The following AGAP1 variants were observed in gnomAD, a reference collection of about 807,000 sequenced individuals.
The protein encoded by AGAP1 is arf-GAP with GTPase, ANK repeat and PH domain-containing protein 1.
Under a neutral mutation model 105.3 loss-of-function variants are expected in AGAP1, and 29 were observed. That is an observed-to-expected ratio of 0.28 (90% confidence interval 0.21 to 0.38). The LOEUF (loss-of-function observed/expected upper bound fraction) is 0.38, where lower values mean the gene tolerates loss of function less well. AGAP1 is among the 10% of genes least tolerant of loss of function. The probability of loss-of-function intolerance (pLI) is 1.00; values close to 1 mark genes in which losing one functional copy is unlikely to be tolerated. For synonymous variants in AGAP1, 509 were observed against 485.9 expected (o/e 1.05, Z -0.63); for missense variants, 998 against 1,165.1 (o/e 0.86, Z 2.09).
chr2:235,658,420 G>C (rs548243603), intron 1 of AGAP1, among the ~76,000 whole-genome samples: 24 of 152,302 alleles, frequency 1.6e-4, no homozygotes, highest in African/African-American at 5.5e-4. Flanking sequence ...GCTTCGGACG[G>C]GAAGAATTTA....
chr2:235,565,085 G>T (rs1456467691), intron 1 of AGAP1, among the ~76,000 whole-genome samples: 1 of 148,942 alleles, frequency 6.7e-6, no homozygotes, highest in Admixed American at 6.7e-5. Context: ...CACCACCCAC[G>T]GTCAGCTGTG....
chr2:235,630,318 A>G (rs188146523), intron 1 of AGAP1, among the ~76,000 whole-genome samples: 45 of 152,148 alleles, frequency 3.0e-4, no homozygotes, highest in Admixed American at 2.9e-3. Flanking sequence ...GGTTCATCCA[A>G]TTCTGCCTCA....
chr2:235,527,092 C>T (rs1362723962), intron 1 of AGAP1, among the ~76,000 whole-genome samples: 1 of 152,046 alleles, frequency 6.6e-6, no homozygotes, highest in African/African-American at 2.4e-5. Context: ...GTATTTTGTC[C>T]ATGACATGTA....
At position 236,121,954 on chromosome 2, in the gene AGAP1, C is replaced by G. The variant is rs967148897; in HGVS notation, c.2370+1507C>G. Among the ~76,000 whole-genome samples the G allele has an allele frequency of 6.6e-6, 1 of 150,650 alleles. No homozygotes were observed. Among genetic ancestry groups the G allele is most frequent in the African/African-American group, 2.4e-5 (1 of 40,868 alleles). ...CTCCTGGTAGCTCTCTCCTTTCCCC[C>G]CACCCCCTTCTTTTTGGGACAAAGT... On this transcript the variant is annotated intron_variant, in intron 17 of 17. Coordinates refer to ENST00000304032, the MANE Select transcript of AGAP1 (RefSeq NM_001037131.3). This position sits in a 1 kb window ranked among gnomAD's most constrained non-coding sequence, Gnocchi z 4.9.
chr2:235,553,094 A>T lies in AGAP1; in HGVS notation c.163+58245A>T, dbSNP rs1943865137. On this transcript the variant is annotated intron_variant, in intron 1 of 17. Transcript: ENST00000304032. This position sits in a 1 kb window ranked among gnomAD's most constrained non-coding sequence, Gnocchi z 4.5. ...GCAAGTAGCATTAATACTATAACTGAATATACAGTCAGCTACTCACCACTC... is the reference window on the plus strand; with the variant it reads ...GCAAGTAGCATTAATACTATAACTGTATATACAGTCAGCTACTCACCACTC... Among the ~76,000 whole-genome samples, 1 of 152,162 alleles carries T rather than the reference A, an allele frequency of 6.6e-6. No homozygotes were observed. The highest frequency in any genetic ancestry group is 2.4e-5 in the African/African-American group (1 of 41,444).
At chr2:235,822,967 A>G (rs903084042) in intron 9 of AGAP1, among the ~76,000 whole-genome samples, 8 of 152,170 alleles carry the variant, frequency 5.3e-5, no homozygotes, top group Non-Finnish European at 8.8e-5. Flanking sequence ...TTCAAGTGCT[A>G]CTGTGATCCA....
chr2:236,011,335 G>A (rs577432520), intron 13 of AGAP1, among the ~76,000 whole-genome samples: 1 of 152,340 alleles, frequency 6.6e-6, no homozygotes, highest in South Asian at 2.1e-4. Flanking sequence ...AAAGTGAGAA[G>A]AGATCAGTCT....
intron 10 of AGAP1, among the ~76,000 whole-genome samples, chr2:235,907,970 A>G (rs989023239): frequency 6.6e-6 from 1 of 152,170 alleles, no homozygotes; most frequent in Non-Finnish European, 1.5e-5. Context: ...AATAATAACA[A>G]TAATAATAAT....
At chr2:235,903,943 C>T (rs1356176637) in intron 10 of AGAP1, among the ~76,000 whole-genome samples, 5 of 151,960 alleles carry the variant, frequency 3.3e-5, no homozygotes, top group East Asian at 3.9e-4. Context: ...CTAATGACTC[C>T]GCGTCCTTCT....
chr2:235,686,611 GGAGATATA>G (rs1462972218), intron 1 of AGAP1, among the ~76,000 whole-genome samples: 74 of 75,464 alleles, frequency 9.8e-4, no homozygotes, highest in African/African-American at 4.1e-3. Context: ...ATATATACGT[GGAGATATA>G]GATATATATA....
Position 235,963,894 on chromosome 2 carries a change from G to T in AGAP1, c.1484-4568G>T, listed in dbSNP as rs2054285466. On this transcript the variant is annotated intron_variant, in intron 12 of 17. Transcript: ENST00000304032. This position sits in a 1 kb window ranked among gnomAD's most constrained non-coding sequence, Gnocchi z 5.1. Reference sequence around the variant, plus strand: ...CGCCCCTGTGGAAGCCTGTCGTGTGGACGGCATAGCTAATGTGTGTGTTCT... The same window carrying T: ...CGCCCCTGTGGAAGCCTGTCGTGTGTACGGCATAGCTAATGTGTGTGTTCT... 1.3e-5 allele frequency among the ~76,000 whole-genome samples: 2 copies of T among 152,198 alleles called. No homozygotes were observed. Among genetic ancestry groups the T allele is most frequent in the African/African-American group, 4.8e-5 (2 of 41,454 alleles).
At chr2:235,941,918 G>A (rs1316696004) in intron 12 of AGAP1, among the ~76,000 whole-genome samples, 2 of 152,122 alleles carry the variant, frequency 1.3e-5, no homozygotes, top group African/African-American at 4.8e-5. Flanking sequence ...AGCCCGGTAT[G>A]GAAGAGTGAG....
intron 1 of AGAP1, among the ~76,000 whole-genome samples, chr2:235,674,501 T>A (rs1948617775): frequency 6.6e-6 from 1 of 152,218 alleles, no homozygotes; most frequent in Admixed American, 6.5e-5. Context: ...ATTCGGTGTC[T>A]TTAGAGTGTT....
rs921332955 is a variant in AGAP1, at chr2:235,665,084, G to A, written c.164-44095G>A. ...AAAAAAATTTAAAAATTAGCCAGGG[G>A]TGGTGACATGTGCCTGTGGTCCCAG... On this transcript the variant is annotated intron_variant, in intron 1 of 17. Coordinates refer to ENST00000304032, the MANE Select transcript of AGAP1 (RefSeq NM_001037131.3). The surrounding 1 kb of genome is among the most constrained non-coding windows in gnomAD (Gnocchi z 5.3). 6.6e-6 allele frequency among the ~76,000 whole-genome samples: 1 copy of A among 152,158 alleles called. No homozygotes were observed. Among genetic ancestry groups the A allele is most frequent in the Non-Finnish European group, 1.5e-5 (1 of 68,036 alleles).
rs1295537238 is a variant in AGAP1 at position 236,127,133 on chromosome 2, C to G, written c.*3011C>G. On this transcript the variant is annotated 3_prime_UTR_variant, in exon 18 of 18. Coordinates refer to ENST00000304032, the MANE Select transcript of AGAP1 (RefSeq NM_001037131.3). This position sits in a 1 kb window ranked among gnomAD's most constrained non-coding sequence, Gnocchi z 6.6. Reference sequence around the variant, plus strand: ...CATGGGTGATCTGGACACATCTGCACCCCCGCGTTCAGCTTCGCGGAGACT... The same window carrying G: ...CATGGGTGATCTGGACACATCTGCAGCCCCGCGTTCAGCTTCGCGGAGACT... The G allele has an allele frequency of 6.6e-6, 1 of 152,216 alleles. No homozygotes were observed. The highest frequency in any genetic ancestry group is 1.5e-5 in the Non-Finnish European group (1 of 68,042). The allele number at this position is 152,216 out of a possible 1,614,324, so 9.4% of individuals were successfully genotyped here.
At chr2:235,646,002 C>T (rs1023410319) in intron 1 of AGAP1, among the ~76,000 whole-genome samples, 4 of 152,040 alleles carry the variant, frequency 2.6e-5, no homozygotes, top group East Asian at 3.9e-4. Context: ...TCTGGGCGGG[C>T]GCAGTGGTTC....
intron 13 of AGAP1, among the ~76,000 whole-genome samples, chr2:236,024,344 C>T (rs998260692): frequency 3.3e-5 from 5 of 152,226 alleles, no homozygotes; most frequent in African/African-American, 9.6e-5. Context: ...GCCCCATCAA[C>T]AGCTTTGAGC....
chr2:235,641,313 T>TTCTCTTCTC (rs1553594439), intron 1 of AGAP1, among the ~76,000 whole-genome samples: 1 of 148,488 alleles, frequency 6.7e-6, no homozygotes, highest in Non-Finnish European at 1.5e-5. Flanking sequence ...CTCTCTCTCT[T>TTCTCTTCTC]TCTCTTTCTC....
intron 1 of AGAP1, chr2:235,669,919 G>A (rs1311064959): frequency 1.3e-5 from 2 of 148,752 alleles, no homozygotes; most frequent in African/African-American, 4.9e-5. Context: ...CCGGCACTCG[G>A]GCGGCGCGGC....
Sources: gnomAD v4.1 joint callset for allele counts (sites outside exome capture counted in the v4.1 genomes callset) on GRCh38, gnomAD v4.1.1 for gene constraint, Gnocchi (gnomAD v3.1) non-coding constraint, MANE v1.5 for transcripts, NCBI Gene and HGNC (gene_info 2026-07-23, HGNC 2026-07-21) for gene names.